The following MGLL variants were observed in gnomAD, a reference collection of about 807,000 sequenced individuals.
MGLL encodes lysophospholipase homolog.
MGLL carries 7 observed loss-of-function variants against 29.1 expected under a neutral mutation model. The ratio of observed to expected loss-of-function variants is 0.24; its 90% CI spans 0.14 to 0.45. MGLL has a LOEUF of 0.45. Ranked by LOEUF, MGLL falls within the 20% of genes least tolerant of loss-of-function variation. The pLI is 0.99. For missense variants in MGLL, 356 were observed against 413.6 expected (o/e 0.86, Z 1.21); for synonymous variants, 148 against 168.3 (o/e 0.88, Z 0.93).
chr3:127,745,294 A>G (rs2076421536), intron 3 of MGLL, among the ~76,000 whole-genome samples: 1 of 152,204 alleles, frequency 6.6e-6, no homozygotes, highest in African/African-American at 2.4e-5. Flanking sequence ...GCAGGGATCG[A>G]CTTGAGTGTC....
At chr3:127,694,286 A>AAAATATATAT (rs1174705130) in intron 7 of MGLL, among the ~76,000 whole-genome samples, 2 of 97,906 alleles carry the variant, frequency 2.0e-5, no homozygotes, top group Admixed American at 1.2e-4. Context: ...AAAAAAAAAA[A>AAAATATATAT]ATATATATAT....
At chr3:127,818,977 G>A (rs2077810417) in intron 2 of MGLL, among the ~76,000 whole-genome samples, 1 of 152,162 alleles carries the variant, frequency 6.6e-6, no homozygotes, top group African/African-American at 2.4e-5. Context: ...ATTTGCCTTG[G>A]TACTGCCAAA....
intron 3 of MGLL, among the ~76,000 whole-genome samples, chr3:127,750,997 AGAG>A (rs1210353206): frequency 2.0e-5 from 3 of 152,206 alleles, no homozygotes; most frequent in Non-Finnish European, 4.4e-5. Flanking sequence ...TGGAGGGACC[AGAG>A]GTGAGGATCA....
chr3:127,744,393 C>T (rs192012664), intron 3 of MGLL, among the ~76,000 whole-genome samples: 112 of 152,270 alleles, frequency 7.4e-4, no homozygotes, highest in Non-Finnish European at 1.2e-3. Flanking sequence ...TGGCTGGTTC[C>T]GTGGGGTTAG....
Position 127,821,667 on chromosome 3 carries a change from T to C in MGLL, c.155+27A>G. On this transcript the variant is annotated intron_variant, in intron 2 of 7. Coordinates refer to ENST00000265052, the MANE Select transcript of MGLL (RefSeq NM_007283.7). ...GCAGGGGCCATGCTCCCCTGTCACCTGGGGTGACTTTCTGGGGAAGACTTA... is the reference window on the plus strand; with the variant it reads ...GCAGGGGCCATGCTCCCCTGTCACCCGGGGTGACTTTCTGGGGAAGACTTA... 3 of 1,612,900 alleles carry C rather than the reference T, an allele frequency of 1.9e-6. No homozygotes were observed. The South Asian group carries it at 3.3e-5, about 18-fold the overall frequency.
At chr3:127,801,455 A>T (rs1277267996) in intron 2 of MGLL, among the ~76,000 whole-genome samples, 1 of 151,942 alleles carries the variant, frequency 6.6e-6, no homozygotes, top group Non-Finnish European at 1.5e-5. Context: ...CATCCCTACT[A>T]AAAATACAAA....
Position 127,781,193 on chromosome 3 carries a change from A to G in MGLL, c.262+596T>C, listed in dbSNP as rs140711330. Among the ~76,000 whole-genome samples the G allele has an allele frequency of 2.6e-3, 391 of 152,120 alleles. 1 individual carries two copies. The highest frequency in any genetic ancestry group is 6.9e-3 in the African/African-American group (287 of 41,478). On this transcript the variant is annotated intron_variant, in intron 3 of 7. Coordinates refer to ENST00000265052, the MANE Select transcript of MGLL (RefSeq NM_007283.7). Reference sequence around the variant, plus strand: ...GGTGCACATGTGTATGTATGTGTGTATGTGTGTTTTACGTGTATGTGTATA... The same window carrying G: ...GGTGCACATGTGTATGTATGTGTGTGTGTGTGTTTTACGTGTATGTGTATA...
chr3:127,715,353 T>G (rs1244832295), intron 5 of MGLL: 1 of 292,598 alleles, frequency 3.4e-6, no homozygotes, highest in Non-Finnish European at 6.7e-6. Flanking sequence ...TTTCTAAACC[T>G]GCATAGTAAG....
chr3:127,767,696 C>G (rs1208592715), intron 3 of MGLL, among the ~76,000 whole-genome samples: 1 of 152,244 alleles, frequency 6.6e-6, no homozygotes. Context: ...AGAAACGGAA[C>G]AGCAATTTGT....
rs1156568200 is a variant in MGLL at position 127,715,802 on chromosome 3, C to G, written c.511-5137G>C. 5 of 456,762 alleles carry G rather than the reference C, an allele frequency of 1.1e-5. No homozygotes were observed. The East Asian group carries it at 3.5e-4, about 32-fold the overall frequency. The allele number at this position is 456,762 out of a possible 1,614,324, so 28.3% of individuals were successfully genotyped here. A position where few individuals can be genotyped will look rare whatever the true frequency, so the allele number is the denominator to read the frequency against. On this transcript the variant is annotated intron_variant, in intron 5 of 7. Transcript: ENST00000265052. ...TGCTGCTCCTGCTCTCCCACAACCT[C>G]CATCCTGAGCTGTGAGCACACCAGG... is the stretch of plus-strand genomic sequence containing the variant.
At chr3:127,735,105 G>A (rs1335997127) in intron 3 of MGLL, among the ~76,000 whole-genome samples, 1 of 152,254 alleles carries the variant, frequency 6.6e-6, no homozygotes, top group African/African-American at 2.4e-5. Context: ...ATGAACACCA[G>A]AGTGGAACAA....
At chr3:127,759,464 G>A (rs1453713112) in intron 3 of MGLL, among the ~76,000 whole-genome samples, 3 of 152,208 alleles carry the variant, frequency 2.0e-5, no homozygotes, top group Non-Finnish European at 2.9e-5. Context: ...ACTGGAGGTG[G>A]GTGTGCCTCT....
chr3:127,711,097 C>G (rs1215461901), intron 5 of MGLL: 1 of 241,066 alleles, frequency 4.1e-6, no homozygotes, highest in Non-Finnish European at 8.6e-6. Flanking sequence ...GCGGAAGGGC[C>G]CACAGGAGCC....
At chr3:127,754,345 G>A (rs1184051512) in intron 3 of MGLL, among the ~76,000 whole-genome samples, 1 of 126,930 alleles carries the variant, frequency 7.9e-6, no homozygotes, top group East Asian at 2.0e-4. Context: ...ACCATAAAAG[G>A]CAAAATAAGA....
chr3:127,807,750 C>CTT (rs35444871), intron 2 of MGLL, among the ~76,000 whole-genome samples: 810 of 59,488 alleles, frequency 0.014, 122 homozygotes, highest in African/African-American at 0.03. Context: ...TGTGAAAAGT[C>CTT]TTTTTTTTTT....
At chr3:127,801,417 GA>G (rs1362721659) in intron 2 of MGLL, among the ~76,000 whole-genome samples, 3 of 151,692 alleles carry the variant, frequency 2.0e-5, no homozygotes, top group Non-Finnish European at 1.5e-5. Context: ...AGGATTTCAA[GA>G]CCAGCCTGAC....
chr3:127,819,718 TATA>T (rs1266767841), intron 2 of MGLL, among the ~76,000 whole-genome samples: 43 of 152,192 alleles, frequency 2.8e-4, no homozygotes, highest in African/African-American at 9.2e-4. Context: ...TAATACTTAT[TATA>T]ATGATGCTGC....
chr3:127,695,253 A>AGCT (rs1392497558), intron 6 of MGLL, 63 bp from the exon 7 acceptor site: 1 of 1,506,738 alleles, frequency 6.6e-7, no homozygotes, highest in Non-Finnish European at 9.2e-7. Flanking sequence ...AGCCAGGCCT[A>AGCT]TTTCCTGGTA....
At chr3:127,807,329 T>A (rs1270583870) in intron 2 of MGLL, among the ~76,000 whole-genome samples, 1 of 152,170 alleles carries the variant, frequency 6.6e-6, no homozygotes, top group East Asian at 1.9e-4. Flanking sequence ...CCTCTTCCAT[T>A]CCTGATTGTA....
Sources: allele counts gnomAD v4.1 joint callset (sites outside exome capture counted in the v4.1 genomes callset), GRCh38; gene constraint gnomAD v4.1.1; transcripts MANE v1.5; gene names NCBI Gene and HGNC (gene_info 2026-07-23, HGNC 2026-07-21).